EIF4G3: variants seen among roughly 807,000 people sequenced by gnomAD.
The protein encoded by EIF4G3 is eukaryotic translation initiation factor 4 gamma 3.
EIF4G3 carries 34 observed loss-of-function variants against 186.4 expected under a neutral mutation model. The observed-to-expected ratio is 0.18, with a 90% CI of 0.14 to 0.24. The LOEUF (loss-of-function observed/expected upper bound fraction) is 0.24, where lower values mean the gene tolerates loss of function less well. EIF4G3 is among the 10% of genes least tolerant of loss of function. The pLI, the probability that EIF4G3 is intolerant of heterozygous loss-of-function variation, is 1.00. For synonymous variants in EIF4G3, 673 were observed against 679.5 expected (o/e 0.99, Z 0.15); for missense variants, 1,536 against 1,948.5 (o/e 0.79, Z 3.99).
chr1:21,031,384 CAAAAA>C (rs35183246), intron 4 of EIF4G3, among the ~76,000 whole-genome samples: 4 of 73,398 alleles, frequency 5.4e-5, no homozygotes. Flanking sequence ...GGAATGATGG[CAAAAA>C]AAAAAAAAAA....
At chr1:20,899,311 C>T (rs565727335) in intron 16 of EIF4G3, among the ~76,000 whole-genome samples, 1 of 152,366 alleles carries the variant, frequency 6.6e-6, no homozygotes, top group African/African-American at 2.4e-5. Flanking sequence ...AGAGTGATTT[C>T]TGTCAACAGA....
chr1:20,923,909 A>G (rs1185455610), intron 14 of EIF4G3, among the ~76,000 whole-genome samples: 2 of 151,926 alleles, frequency 1.3e-5, no homozygotes, highest in Admixed American at 1.3e-4. Flanking sequence ...GTGGTGCTAG[A>G]GGTCAGAAAA....
intron 3 of EIF4G3, among the ~76,000 whole-genome samples, chr1:21,084,638 G>C (rs937298601): frequency 6.6e-5 from 10 of 152,012 alleles, no homozygotes; most frequent in Admixed American, 5.2e-4. Context: ...CCATTTCTAA[G>C]ACTACATTGA....
intron 14 of EIF4G3, among the ~76,000 whole-genome samples, chr1:20,913,945 T>A (rs2093573996): frequency 6.6e-6 from 1 of 151,764 alleles, no homozygotes; most frequent in African/African-American, 2.4e-5. Context: ...CAGCTGGGAC[T>A]ACAGGCGCAT....
chr1:21,005,797 T>A (rs2084906937), intron 4 of EIF4G3, among the ~76,000 whole-genome samples: 1 of 151,980 alleles, frequency 6.6e-6, no homozygotes, highest in Non-Finnish European at 1.5e-5. Context: ...AAGTGATTAC[T>A]AAAAAAAACA....
chr1:20,857,794 C>A (rs2075383000), intron 24 of EIF4G3, among the ~76,000 whole-genome samples: 1 of 152,186 alleles, frequency 6.6e-6, no homozygotes, highest in South Asian at 2.1e-4. Context: ...AGGGCTAAAT[C>A]CAGTATTCAC....
chr1:21,124,393 T>C (rs1225926000), intron 2 of EIF4G3, among the ~76,000 whole-genome samples: 3 of 152,182 alleles, frequency 2.0e-5, no homozygotes, highest in East Asian at 3.8e-4. Context: ...AGATGTGAGA[T>C]TGCTTCTTAC....
intron 34 of EIF4G3, among the ~76,000 whole-genome samples, chr1:20,816,143 T>G (rs1365040692): frequency 6.5e-5 from 6 of 92,898 alleles, no homozygotes; most frequent in South Asian, 4.1e-4. Context: ...GTCCGGGAGG[T>G]GAGGGGCGCC....
At chr1:21,125,345 C>A (rs190066426) in intron 2 of EIF4G3, among the ~76,000 whole-genome samples, 27 of 152,144 alleles carry the variant, frequency 1.8e-4, no homozygotes, top group Middle Eastern at 3.4e-3. Context: ...TGAAACAGTA[C>A]CCTCACTTTC....
At chr1:21,157,790 C>T (rs926357052) in intron 2 of EIF4G3, among the ~76,000 whole-genome samples, 3 of 152,170 alleles carry the variant, frequency 2.0e-5, no homozygotes, top group African/African-American at 7.2e-5. Flanking sequence ...AAAACAATAA[C>T]ATTTCTCTTT....
At chr1:21,108,242 T>C (rs917487473) in intron 2 of EIF4G3, among the ~76,000 whole-genome samples, 2 of 152,210 alleles carry the variant, frequency 1.3e-5, no homozygotes, top group Non-Finnish European at 2.9e-5. Flanking sequence ...TCTTAGGTAA[T>C]ATCCATGAGG....
intron 20 of EIF4G3, among the ~76,000 whole-genome samples, chr1:20,873,894 T>C (rs1420161762): frequency 6.6e-6 from 1 of 152,100 alleles, no homozygotes; most frequent in African/African-American, 2.4e-5. Context: ...TCTGTGTCCA[T>C]GTGTTCTCAA....
At chr1:21,156,214 C>T (rs1300519998) in intron 2 of EIF4G3, among the ~76,000 whole-genome samples, 3 of 151,868 alleles carry the variant, frequency 2.0e-5, no homozygotes, top group Admixed American at 2.0e-4. Flanking sequence ...CCTCCAATTA[C>T]ATAAACAAAA....
chr1:21,053,469 G>A (rs1236352792), intron 3 of EIF4G3, among the ~76,000 whole-genome samples: 133 of 141,300 alleles, frequency 9.4e-4, no homozygotes, highest in African/African-American at 1.7e-3. Flanking sequence ...GGTGAGGGGC[G>A]CCTCTGCCCG....
chr1:21,043,999 T>C (rs2093730134), intron 4 of EIF4G3, among the ~76,000 whole-genome samples: 1 of 151,906 alleles, frequency 6.6e-6, no homozygotes, highest in African/African-American at 2.4e-5. Context: ...AAACAAAAAA[T>C]GACCAAAAGA....
intron 7 of EIF4G3, among the ~76,000 whole-genome samples, chr1:20,995,255 TAA>T (rs1252456817): frequency 1.3e-5 from 2 of 152,224 alleles, no homozygotes; most frequent in African/African-American, 4.8e-5. Context: ...AGCAGAAACA[TAA>T]CCTTAAAGTT....
At chr1:21,127,736 C>A (rs1279810748) in intron 2 of EIF4G3, among the ~76,000 whole-genome samples, 2 of 152,058 alleles carry the variant, frequency 1.3e-5, no homozygotes, top group Admixed American at 6.6e-5. Flanking sequence ...TCTCAGCTCC[C>A]CCAGCACAAA....
intron 2 of EIF4G3, among the ~76,000 whole-genome samples, chr1:21,167,103 A>G (rs1192675963): frequency 6.6e-6 from 1 of 152,096 alleles, no homozygotes; most frequent in African/African-American, 2.4e-5. Flanking sequence ...ACCAAGTTCT[A>G]TTTCTTACAT....
At chr1:20,885,043 C>G (rs1002047660) in intron 19 of EIF4G3, among the ~76,000 whole-genome samples, 5 of 152,144 alleles carry the variant, frequency 3.3e-5, no homozygotes, top group African/African-American at 1.2e-4. Flanking sequence ...ATGTACAGTT[C>G]ACAATAGGGT....
Sources: allele counts gnomAD v4.1 joint callset (sites outside exome capture counted in the v4.1 genomes callset), GRCh38; gene constraint gnomAD v4.1.1; transcripts MANE v1.5; gene names NCBI Gene and HGNC (gene_info 2026-07-23, HGNC 2026-07-21).